Variants in SCN8A observed in about 807,000 individuals in gnomAD.
The protein encoded by SCN8A is sodium voltage-gated channel alpha subunit 8, also known as sodium channel protein type 8 subunit alpha.
In SCN8A, 30 loss-of-function variants were observed where a neutral mutation model predicts 184.1. That is an observed-to-expected ratio of 0.16 (90% CI 0.12 to 0.22). The LOEUF is 0.22. Among genes scored for constraint, SCN8A ranks in the 10% least tolerant of loss-of-function variants. SCN8A has a pLI of 1.00. For missense variants in SCN8A, 1,057 were observed against 2,498.9 expected, an observed-to-expected ratio of 0.42 and a Z score of 12.30; for synonymous variants, 852 against 907.0, an observed-to-expected ratio of 0.94 and a Z score of 1.09.
chr12:51,717,037 TC>T (rs919098484), intron 11 of SCN8A, among the ~76,000 whole-genome samples: 1 of 152,170 alleles, frequency 6.6e-6, no homozygotes, highest in Admixed American at 6.5e-5. Flanking sequence ...TCCTGCCTCA[TC>T]CCTTCCTTCC....
At position 51,726,996 on chromosome 12, in the gene SCN8A, A is replaced by C. The variant is rs148726013; in HGVS notation, c.1998+5088A>C. Among the ~76,000 whole-genome samples, 914 of 152,368 alleles carry C rather than the reference A, an allele frequency of 6.0e-3. 8 individuals are homozygous for C. Among genetic ancestry groups the C allele is most frequent in the African/African-American group, 0.019 (787 of 41,584 alleles). The stretch of plus-strand genomic sequence containing the variant: ...TAATTCCAAGAAAGGTGACTGGCTA[A>C]TAAACGTCCAGTTATGTATTTCCAT... On this transcript the variant is annotated intron_variant, in intron 12 of 26. Transcript: ENST00000627620.
chr12:51,804,061 G>A (rs1468419667), intron 26 of SCN8A, among the ~76,000 whole-genome samples: 1 of 152,176 alleles, frequency 6.6e-6, no homozygotes, highest in Non-Finnish European at 1.5e-5. Flanking sequence ...GGCAAGAGAA[G>A]GTACTGAACG....
chr12:51,744,385 C>G (rs79878100), intron 12 of SCN8A, among the ~76,000 whole-genome samples: 32 of 152,294 alleles, frequency 2.1e-4, no homozygotes, highest in African/African-American at 7.0e-4. Context: ...CAAAGTCCTT[C>G]CTGCTCTTCT....
chr12:51,703,564 G>A (rs971716493), intron 9 of SCN8A, among the ~76,000 whole-genome samples: 51 of 152,220 alleles, frequency 3.4e-4, no homozygotes, highest in Admixed American at 7.9e-4. Context: ...TGTTCAAGCA[G>A]GTTGTACAGA....
At chr12:51,621,628 G>A (rs1939965201) in intron 1 of SCN8A, among the ~76,000 whole-genome samples, 1 of 152,190 alleles carries the variant, frequency 6.6e-6, no homozygotes, top group Non-Finnish European at 1.5e-5. Context: ...CTCTGGATGT[G>A]GAGAGACTAG....
chr12:51,684,079 T>C, intron 2 of SCN8A, 95 bp from the exon 3 acceptor site: 1 of 749,324 alleles, frequency 1.3e-6, no homozygotes, highest in South Asian at 1.5e-5. Flanking sequence ...TATTAAAGAC[T>C]TTTGAGTTTA....
intron 18 of SCN8A, chr12:51,770,281 TCTC>T: frequency 5.1e-6 from 3 of 590,086 alleles, no homozygotes; most frequent in Non-Finnish European, 5.9e-6. Context: ...ACTACCCTTT[TCTC>T]CTCCCTCTCA....
At position 51,765,706 on chromosome 12, in the gene SCN8A, C is replaced by A. The variant is rs779745525; in HGVS notation, c.2580C>A (p.Thr860=). ...RVFKLAKSWP[T]LNMLIKIIGN... is the part of the protein sequence containing the mutation. Reference sequence around the variant, plus strand: ...TCAAATTGGCCAAATCCTGGCCCACCCTGAACATGCTAATCAAGATTATTG... The same window carrying A: ...TCAAATTGGCCAAATCCTGGCCCACACTGAACATGCTAATCAAGATTATTG... The change falls in exon 16 of 27, where the codon ACC becomes ACA. Residue 860 remains threonine, a synonymous_variant. Coordinates refer to ENST00000627620, the MANE Select transcript of SCN8A (RefSeq NM_001330260.2). The A allele has an allele frequency of 1.2e-6, 2 of 1,608,998 alleles. No individual in the cohort carries two copies. Among genetic ancestry groups the A allele is most frequent in the South Asian group, 2.2e-5 (2 of 90,854 alleles).
intron 12 of SCN8A, among the ~76,000 whole-genome samples, chr12:51,738,391 A>G (rs1004340864): frequency 2.0e-5 from 3 of 152,210 alleles, no homozygotes; most frequent in Non-Finnish European, 2.9e-5. Flanking sequence ...ACCAACTCCA[A>G]CTATGTTCAG....
chr12:51,797,657 T>C (rs1938446705), intron 26 of SCN8A, among the ~76,000 whole-genome samples: 1 of 152,212 alleles, frequency 6.6e-6, no homozygotes, highest in Non-Finnish European at 1.5e-5. Context: ...GGCATGCTAA[T>C]ACTAAGAGAC....
chr12:51,652,871 A>C (rs1203899866), intron 1 of SCN8A, among the ~76,000 whole-genome samples: 1 of 152,214 alleles, frequency 6.6e-6, no homozygotes, highest in Non-Finnish European at 1.5e-5. Context: ...CTACTACCTC[A>C]GAAGACTATA....
intron 1 of SCN8A, among the ~76,000 whole-genome samples, chr12:51,610,345 G>C (rs1939695259): frequency 6.6e-6 from 1 of 152,126 alleles, no homozygotes; most frequent in Non-Finnish European, 1.5e-5. Context: ...TATCCTTTAA[G>C]TGGAGCATTT....
intron 2 of SCN8A, among the ~76,000 whole-genome samples, chr12:51,674,767 T>C (rs1941194313): frequency 6.6e-6 from 1 of 152,214 alleles, no homozygotes; most frequent in Non-Finnish European, 1.5e-5. Flanking sequence ...AGCCACTGTG[T>C]TAAGGACTCC....
Position 51,766,044 on chromosome 12 carries a change from A to C in SCN8A, c.2901+17A>C. 1 of 1,606,022 alleles carries C rather than the reference A, an allele frequency of 6.2e-7. No homozygotes were observed. ...AACTTGGTGGTTAGTACTAATTTGTAGATATTTTTGTTCTACACCCTGAAT... is the reference window on the plus strand; with the variant it reads ...AACTTGGTGGTTAGTACTAATTTGTCGATATTTTTGTTCTACACCCTGAAT... On this transcript the variant is annotated intron_variant, in intron 16 of 26. Transcript: ENST00000627620.
intron 1 of SCN8A, among the ~76,000 whole-genome samples, chr12:51,649,164 C>T (rs1198073269): frequency 6.6e-6 from 1 of 152,228 alleles, no homozygotes; most frequent in African/African-American, 2.4e-5. Flanking sequence ...GTCCATGTCA[C>T]ACTGATGCAA....
At chr12:51,783,411 A>G (rs887727338) in intron 21 of SCN8A, among the ~76,000 whole-genome samples, 1 of 152,190 alleles carries the variant, frequency 6.6e-6, no homozygotes, top group Non-Finnish European at 1.5e-5. Flanking sequence ...AACACCATCC[A>G]TGCAGATGGG....
chr12:51,720,346 A>G (rs921112459), intron 11 of SCN8A, among the ~76,000 whole-genome samples: 4 of 150,780 alleles, frequency 2.7e-5, no homozygotes, highest in South Asian at 2.1e-4. Flanking sequence ...TGAGCAAACT[A>G]TCACAAGGAC....
intron 12 of SCN8A, among the ~76,000 whole-genome samples, chr12:51,727,459 A>G (rs1383195394): frequency 2.0e-5 from 3 of 151,872 alleles, no homozygotes; most frequent in Non-Finnish European, 4.4e-5. Flanking sequence ...GGGAAAGGGT[A>G]TGTGATCTTT....
At chr12:51,677,596 G>A (rs529888430) in intron 2 of SCN8A, among the ~76,000 whole-genome samples, 2 of 152,200 alleles carry the variant, frequency 1.3e-5, no homozygotes, top group Non-Finnish European at 2.9e-5. Context: ...TCCCCTAATA[G>A]TGGGCCCCAA....
Sources: allele counts gnomAD v4.1 joint callset (sites outside exome capture counted in the v4.1 genomes callset), GRCh38; gene constraint gnomAD v4.1.1; transcripts MANE v1.5; gene names NCBI Gene and HGNC (gene_info 2026-07-23, HGNC 2026-07-21).